The following ABCC3 variants were observed in gnomAD, a reference collection of about 807,000 sequenced individuals.
ABCC3 encodes ATP binding cassette subfamily C member 3.
Under a neutral mutation model 165.3 loss-of-function variants are expected in ABCC3, and 121 were observed. That is an observed-to-expected ratio of 0.73 (90% CI 0.63 to 0.85). The LOEUF is 0.85. Ranked by LOEUF, ABCC3 falls within the 40% of genes least tolerant of loss-of-function variation. ABCC3 has a pLI of 0.00. For missense variants in ABCC3, 1,869 were observed against 1,964.1 expected, an observed-to-expected ratio of 0.95 and a Z score of 0.92; for synonymous variants, 733 against 810.1, an observed-to-expected ratio of 0.90 and a Z score of 1.62.
chr17:50,657,669 T>C lies in ABCC3; in HGVS notation c.487-413T>C, dbSNP rs114203766. Among the ~76,000 whole-genome samples, 860 of 152,264 alleles carry C rather than the reference T, an allele frequency of 5.6e-3. 8 individuals carry two copies. Among genetic ancestry groups the C allele is most frequent in the African/African-American group, 0.019 (808 of 41,538 alleles). On this transcript the variant is annotated intron_variant, in intron 4 of 30. Transcript: ENST00000285238. ...CAACCTAGTGCCTCCCATTTCTCCATCTCAGCGGGAAGCAGGCAAGGAGAG... is the reference window on the plus strand; with the variant it reads ...CAACCTAGTGCCTCCCATTTCTCCACCTCAGCGGGAAGCAGGCAAGGAGAG...
chr17:50,675,431 C>T lies in ABCC3; in HGVS notation c.2669C>T (p.Thr890Ile). The change falls in exon 20 of 31, where the codon ACA becomes ATA. Residue 890 changes from threonine (T) to isoleucine (I), a missense_variant. By Grantham distance (89) the Thr-to-Ile change is moderately conservative. Transcript: ENST00000285238. ...ACACTCAGCAACCACACGGATCTGA[C>T]AGACAATGATCCAGTCACCTATGTG... Reference protein sequence around the residue: ...EDTLSNHTDLTDNDPVTYVVQ... With the variant: ...EDTLSNHTDLIDNDPVTYVVQ... The T allele has an allele frequency of 3.1e-6, 5 of 1,614,082 alleles. No homozygotes were observed. The highest frequency in any genetic ancestry group is 4.2e-6 in the Non-Finnish European group (5 of 1,179,986).
intron 1 of ABCC3, among the ~76,000 whole-genome samples, chr17:50,650,565 C>T (rs999339577): frequency 1.1e-4 from 16 of 152,112 alleles, no homozygotes; most frequent in Admixed American, 3.3e-4. Context: ...TTCTCATTTT[C>T]GAAAAATCAG....
intron 1 of ABCC3, among the ~76,000 whole-genome samples, chr17:50,645,031 C>CA (rs887243044): frequency 5.4e-5 from 8 of 147,686 alleles, no homozygotes; most frequent in African/African-American, 2.0e-4. Context: ...AACAAGCAAA[C>CA]AAAAAAACAG....
intron 1 of ABCC3, chr17:50,635,540 G>A: frequency 1.4e-6 from 1 of 702,588 alleles, no homozygotes; most frequent in South Asian, 1.5e-5. Context: ...TGAGGTCTGA[G>A]AGCAGGCCAT....
intron 19 of ABCC3, among the ~76,000 whole-genome samples, chr17:50,673,978 T>C (rs865997282): frequency 0.065 from 576 of 8,914 alleles, 13 homozygotes; most frequent in South Asian, 0.13. Context: ...CTTTCTTTCT[T>C]TCTCTCTCTC....
At chr17:50,670,737 C>A (rs764399143) in intron 17 of ABCC3, among the ~76,000 whole-genome samples, 25 of 152,194 alleles carry the variant, frequency 1.6e-4, no homozygotes, top group Non-Finnish European at 3.4e-4. Flanking sequence ...ACCGAGTGAG[C>A]CTTGTCTGGA....
chr17:50,656,000 C>T lies in ABCC3; in HGVS notation c.214C>T (p.Leu72Phe). The change falls in exon 2 of 31, where the codon CTC becomes TTC. Residue 72 changes from leucine (L) to phenylalanine (F), a missense_variant. Coordinates refer to ENST00000285238, the MANE Select transcript of ABCC3 (RefSeq NM_003786.4). Reference sequence around the variant, plus strand: ...CATCATCCTCTCCCACCTGTCCAAGCTCAAGATGGTCAGTGGCTCAGGGAT... The same window carrying T: ...CATCATCCTCTCCCACCTGTCCAAGTTCAAGATGGTCAGTGGCTCAGGGAT... ...GYIILSHLSK[L>F]KMVLGVLLWC... 3 of 1,613,790 alleles carry T rather than the reference C, an allele frequency of 1.9e-6. No homozygotes were observed. The highest frequency in any genetic ancestry group is 2.5e-6 in the Non-Finnish European group (3 of 1,179,834).
intron 1 of ABCC3, among the ~76,000 whole-genome samples, chr17:50,642,791 A>T (rs974495126): frequency 6.6e-6 from 1 of 152,194 alleles, no homozygotes; most frequent in Non-Finnish European, 1.5e-5. Context: ...AAGTGCACAC[A>T]GCGATTCCCA....
At position 50,667,612 on chromosome 17, in the gene ABCC3, G is replaced by C. The variant is rs1239224975; in HGVS notation, c.1490G>C (p.Gly497Ala). Residue 497 changes from glycine (G) to alanine (A), a missense_variant, in exon 12 of 31, where the codon GGC becomes GCC. By Grantham distance (60) the Gly-to-Ala change is moderately conservative (BLOSUM62 0). Coordinates refer to ENST00000285238, the MANE Select transcript of ABCC3 (RefSeq NM_003786.4). ...AAGCTGATGAGTGAGATCCTGAACG[G>C]CATCAAGGTGCTGAAGCTGTACGCC... ...RIKLMSEILN[G>A]IKVLKLYAWE... 1.2e-6 allele frequency: 2 copies of C among 1,614,060 alleles called. No homozygotes were observed. Among genetic ancestry groups the C allele is most frequent in the Non-Finnish European group, 1.7e-6 (2 of 1,180,016 alleles).
In ABCC3 at chr17:50,643,383, ATACTGAATAGGAC is replaced by A. The variant is rs1202708879; in HGVS notation, c.45+8412_45+8424del. Among the ~76,000 whole-genome samples, 4 of 152,372 alleles carry A rather than the reference ATACTGAATAGGAC, an allele frequency of 2.6e-5. No individual in the cohort carries two copies. The East Asian group carries it at 7.7e-4, about 29-fold the overall frequency. ...CTCACATTGTTTGAGCAACTACTGA[ATACTGAATAGGAC>A]TACTGAATACTGAATACTGAATAGG... On this transcript the variant is annotated intron_variant, in intron 1 of 30. Coordinates refer to ENST00000285238, the MANE Select transcript of ABCC3 (RefSeq NM_003786.4).
chr17:50,643,890 C>T (rs1054902683), intron 1 of ABCC3, among the ~76,000 whole-genome samples: 6 of 152,090 alleles, frequency 3.9e-5, no homozygotes, highest in African/African-American at 1.2e-4. Flanking sequence ...GATGTGGCTT[C>T]ATGAGCAGCA....
intron 30 of ABCC3, among the ~76,000 whole-genome samples, chr17:50,689,891 G>C (rs952473389): frequency 6.6e-6 from 1 of 152,184 alleles, no homozygotes; most frequent in African/African-American, 2.4e-5. Flanking sequence ...ATGGACCTTG[G>C]AGGTTGGGAG....
At chr17:50,668,754 C>A in intron 14 of ABCC3, 99 bp from the exon 15 acceptor site, 2 of 1,010,284 alleles carry the variant, frequency 2.0e-6, no homozygotes, top group Non-Finnish European at 3.1e-6. Context: ...ATGGCCCAGG[C>A]TCCTCCCCTG....
At position 50,678,213 on chromosome 17, in the gene ABCC3, C is replaced by A. The variant is rs2146636550; in HGVS notation, c.3699C>A (p.Ser1233=). 1 of 1,524,800 alleles carries A rather than the reference C, an allele frequency of 6.6e-7. No homozygotes were observed. The highest frequency in any genetic ancestry group is 2.3e-5 in the East Asian group (1 of 44,198). The allele number at this position is 1,524,800 out of a possible 1,614,324, so 94.5% of individuals were successfully genotyped here. A position where few individuals can be genotyped will look rare whatever the true frequency, so the allele number is the denominator to read the frequency against. The stretch of plus-strand genomic sequence containing the variant: ...TGGTGGGCCTTTCTGTGTCCTACTC[C>A]TTGCAGGTATGAAGGGCCTGGACCC... ...PGLVGLSVSY[S]LQVTFALNWM... is the part of the protein sequence containing the mutation. Residue 1233 remains serine (S), a synonymous_variant, in exon 25 of 31, where the codon TCC becomes TCA. Transcript: ENST00000285238.
chr17:50,667,429 G>A, intron 11 of ABCC3, 125 bp from the exon 12 acceptor site: 1 of 868,464 alleles, frequency 1.2e-6, no homozygotes, highest in Admixed American at 2.3e-5. Context: ...AAGGAGTTGT[G>A]AGAAGGAATG....
At chr17:50,678,277 G>T in intron 25 of ABCC3, 58 bp downstream of exon 25, 1 of 1,494,314 alleles carries the variant, frequency 6.7e-7, no homozygotes. Context: ...CCACACAGGT[G>T]TTCCAGGCAT....
chr17:50,652,689 C>G (rs1967134877), intron 1 of ABCC3, among the ~76,000 whole-genome samples: 1 of 152,178 alleles, frequency 6.6e-6, no homozygotes, highest in Non-Finnish European at 1.5e-5. Flanking sequence ...AGCCACCGTC[C>G]CAGAAAGTGG....
intron 25 of ABCC3, 78 bp from the exon 26 acceptor site, chr17:50,679,720 A>G: frequency 7.4e-7 from 1 of 1,352,578 alleles, no homozygotes; most frequent in Non-Finnish European, 1.1e-6. Context: ...CACATGATCC[A>G]GGAGTCTGAA....
chr17:50,690,395 GACACATCTGGGAGCCCAGTAGGCTGAGA>G (rs1968101815), intron 30 of ABCC3, among the ~76,000 whole-genome samples: 1 of 152,176 alleles, frequency 6.6e-6, no homozygotes, highest in East Asian at 1.9e-4. Flanking sequence ...TCCTTCCCAG[GACACATCTGGGAGCCCAGTAGGCTGAGA>G]ACCAGAATGC....
Sources: allele counts gnomAD v4.1 joint callset (sites outside exome capture counted in the v4.1 genomes callset), GRCh38; gene constraint gnomAD v4.1.1; transcripts MANE v1.5; gene names NCBI Gene and HGNC (gene_info 2026-07-23, HGNC 2026-07-21).